KCNC1: variants seen among roughly 807,000 people sequenced by gnomAD.
KCNC1 encodes the protein voltage-gated potassium channel KCNC1.
KCNC1 carries 8 observed loss-of-function variants against 43.4 expected under a neutral mutation model. The ratio of observed to expected loss-of-function variants is 0.18; its 90% CI spans 0.11 to 0.33. The LOEUF (loss-of-function observed/expected upper bound fraction) is 0.33, where lower values mean the gene tolerates loss of function less well. Ranked by LOEUF, KCNC1 falls within the 10% of genes least tolerant of loss-of-function variation. The pLI is 1.00. For synonymous variants in KCNC1, 361 were observed against 360.5 expected, an observed-to-expected ratio of 1.00 and a Z score of -0.01; for missense variants, 420 against 836.0, an observed-to-expected ratio of 0.50 and a Z score of 6.14.
In KCNC1 at chr11:17,742,207, A is replaced by G. The variant is rs1308787387; in HGVS notation, c.570+5635A>G. The stretch of plus-strand genomic sequence containing the variant: ...CTGGCTCACAGGTGCTTTGTGTCAC[A>G]TCGCCTCAGAGCATTTGGAGTCTGT... On this transcript the variant is annotated intron_variant, in intron 1 of 3. Coordinates refer to ENST00000265969, the MANE Select transcript of KCNC1 (RefSeq NM_001112741.2). The surrounding 1 kb of genome is among the most constrained non-coding windows in gnomAD (Gnocchi z 4.2). Among the ~76,000 whole-genome samples, 4 of 152,308 alleles carry G rather than the reference A, an allele frequency of 2.6e-5. No individual in the cohort carries two copies. Among genetic ancestry groups the G allele is most frequent in the African/African-American group, 9.6e-5 (4 of 41,568 alleles).
chr11:17,739,730 CTG>C lies in KCNC1; in HGVS notation c.570+3163_570+3164del, dbSNP rs1428638692. Among the ~76,000 whole-genome samples the C allele has an allele frequency of 6.6e-6, 1 of 150,630 alleles. No homozygotes were observed. The highest frequency in any genetic ancestry group is 2.4e-5 in the African/African-American group (1 of 40,860). ...ATGCGTGTACACATAAGGCAGGAGGCTGTGTGGGGTGGGGGTCCCTGTGTGTG... is the reference window on the plus strand; with the variant it reads ...ATGCGTGTACACATAAGGCAGGAGGCTGTGGGGTGGGGGTCCCTGTGTGTG... On this transcript the variant is annotated intron_variant, in intron 1 of 3. Coordinates refer to ENST00000265969, the MANE Select transcript of KCNC1 (RefSeq NM_001112741.2). The surrounding 1 kb of genome is among the most constrained non-coding windows in gnomAD (Gnocchi z 4.2).
chr11:17,760,390 C>A lies in KCNC1; in HGVS notation c.571-11275C>A, dbSNP rs1371365762. Among the ~76,000 whole-genome samples, 4 of 152,188 alleles carry A rather than the reference C, an allele frequency of 2.6e-5. No individual in the cohort carries two copies. The South Asian group carries it at 8.3e-4, about 32-fold the overall frequency. On this transcript the variant is annotated intron_variant, in intron 1 of 3. Coordinates refer to ENST00000265969, the MANE Select transcript of KCNC1 (RefSeq NM_001112741.2). ...GTGGGATCCTGGTATTGCTCCAAGTCTAAGATGCTAATGGGAGAGGGTGAG... is the reference window on the plus strand; with the variant it reads ...GTGGGATCCTGGTATTGCTCCAAGTATAAGATGCTAATGGGAGAGGGTGAG...
chr11:17,741,290 G>A (rs903544917), intron 1 of KCNC1, among the ~76,000 whole-genome samples: 13 of 137,774 alleles, frequency 9.4e-5, no homozygotes, highest in Non-Finnish European at 1.4e-4. Flanking sequence ...CCCCTTCACC[G>A]CTAAATGGGA....
chr11:17,771,576 C>T lies in KCNC1; in HGVS notation c.571-89C>T. 1.7e-6 allele frequency: 2 copies of T among 1,153,456 alleles called. No homozygotes were observed. The highest frequency in any genetic ancestry group is 2.4e-5 in the East Asian group (1 of 42,282). The allele number at this position is 1,153,456 out of a possible 1,614,324, so 71.5% of individuals were successfully genotyped here. ...AGGGGGCCTGGTGCTGGCATCTCCC[C>T]CCGCCTGGCCCTGGGACTGGACAGA... On this transcript the variant is annotated intron_variant, in intron 1 of 3. Coordinates refer to ENST00000265969, the MANE Select transcript of KCNC1 (RefSeq NM_001112741.2). This position sits in a 1 kb window ranked among gnomAD's most constrained non-coding sequence, Gnocchi z 4.7.
At chr11:17,775,804 G>A in intron 2 of KCNC1, 1 of 985,694 alleles carries the variant, frequency 1.0e-6, no homozygotes, top group Non-Finnish European at 1.2e-6. Flanking sequence ...CTCCCTTCCT[G>A]CCCATGGCAC....
intron 1 of KCNC1, among the ~76,000 whole-genome samples, chr11:17,750,447 G>A (rs969445371): frequency 6.6e-6 from 1 of 152,166 alleles, no homozygotes; most frequent in Non-Finnish European, 1.5e-5. Flanking sequence ...TAGGCGGCAG[G>A]AATCGTGTCT....
At chr11:17,755,918 G>T (rs1230429936) in intron 1 of KCNC1, among the ~76,000 whole-genome samples, 1 of 151,538 alleles carries the variant, frequency 6.6e-6, no homozygotes, top group African/African-American at 2.4e-5. Context: ...GAGGAGCAAG[G>T]ACTGAGCTCC....
Position 17,742,959 on chromosome 11 carries a change from C to T in KCNC1, c.570+6387C>T, listed in dbSNP as rs140412504. Among the ~76,000 whole-genome samples, 6 of 152,330 alleles carry T rather than the reference C, an allele frequency of 3.9e-5. No homozygotes were observed. The highest frequency in any genetic ancestry group is 5.9e-5 in the Non-Finnish European group (4 of 68,028). On this transcript the variant is annotated intron_variant, in intron 1 of 3. Coordinates refer to ENST00000265969, the MANE Select transcript of KCNC1 (RefSeq NM_001112741.2). This position sits in a 1 kb window ranked among gnomAD's most constrained non-coding sequence, Gnocchi z 4.2. ...CACAGATACCTGCATTCCAAGGACA[C>T]GGCACAGCTGATTGAGACCTTCTCA...
chr11:17,772,943 CTG>C, intron 2 of KCNC1: 1 of 1,173,544 alleles, frequency 8.5e-7, no homozygotes, highest in South Asian at 2.9e-5. Context: ...GTGTGAGTCT[CTG>C]ACTCAGGCTA....
At chr11:17,745,031 A>T (rs1182317612) in intron 1 of KCNC1, among the ~76,000 whole-genome samples, 1 of 151,948 alleles carries the variant, frequency 6.6e-6, no homozygotes, top group Non-Finnish European at 1.5e-5. Context: ...CACCATGAGG[A>T]CATTTGTTAG....
At chr11:17,750,027 C>T (rs1368217006) in intron 1 of KCNC1, among the ~76,000 whole-genome samples, 3 of 152,218 alleles carry the variant, frequency 2.0e-5, no homozygotes. Flanking sequence ...GGAGGGTGCA[C>T]AGGCCTTTGG....
intron 2 of KCNC1, among the ~76,000 whole-genome samples, chr11:17,778,058 T>A (rs1849305082): frequency 6.6e-6 from 1 of 152,186 alleles, no homozygotes; most frequent in Non-Finnish European, 1.5e-5. Context: ...TTGGTTTCCC[T>A]CTTCCACAAA....
In KCNC1 at chr11:17,777,102, AC is replaced by A. The variant is rs1416144098; in HGVS notation, c.1505-2353del. 1.0e-6 allele frequency: 1 copy of A among 983,952 alleles called. No individual in the cohort carries two copies. The highest frequency in any genetic ancestry group is 1.8e-5 in the African/African-American group (1 of 56,756). 61.0% of individuals were successfully genotyped at this position (983,952 alleles called of 1,614,324 possible). A position where few individuals can be genotyped will look rare whatever the true frequency, so the allele number is the denominator to read the frequency against. On this transcript the variant is annotated intron_variant, in intron 2 of 3. Coordinates refer to ENST00000265969, the MANE Select transcript of KCNC1 (RefSeq NM_001112741.2). The surrounding 1 kb of genome is among the most constrained non-coding windows in gnomAD (Gnocchi z 4.3). ...TGTCCCCTGCCCAAAACCATCCCGAACTTTGGGCCCTTTAGTGATTGTGAGA... is the reference window on the plus strand; with the variant it reads ...TGTCCCCTGCCCAAAACCATCCCGAATTTGGGCCCTTTAGTGATTGTGAGA...
At chr11:17,750,895 C>A (rs988878225) in intron 1 of KCNC1, among the ~76,000 whole-genome samples, 1 of 152,224 alleles carries the variant, frequency 6.6e-6, no homozygotes, top group African/African-American at 2.4e-5. Context: ...TGACTTGAGG[C>A]CTTTGATCCA....
At position 17,736,710 on chromosome 11, in the gene KCNC1, A is replaced by G. The variant is rs554889404; in HGVS notation, c.570+138A>G. On this transcript the variant is annotated intron_variant, in intron 1 of 3. Transcript: ENST00000265969. The surrounding 1 kb of genome is among the most constrained non-coding windows in gnomAD (Gnocchi z 9.3). ...GGGGTGTGTGCGCATGTGTGCACGT[A>G]CCAGGGTAAGAGAGGAAGGGTGTCC... is the stretch of plus-strand genomic sequence containing the variant. 4 of 1,388,182 alleles carry G rather than the reference A, an allele frequency of 2.9e-6. No individual in the cohort carries two copies. The highest frequency in any genetic ancestry group is 3.1e-5 in the South Asian group (2 of 64,776). The allele number at this position is 1,388,182 out of a possible 1,614,324, so 86.0% of individuals were successfully genotyped here.
chr11:17,783,038 A>C lies in KCNC1; in HGVS notation c.*1304A>C, dbSNP rs1030509912. On this transcript the variant is annotated 3_prime_UTR_variant, in exon 4 of 4. Coordinates refer to ENST00000265969, the MANE Select transcript of KCNC1 (RefSeq NM_001112741.2). ...CTGGGCCCTGGCCCCCAATAATAAAAAACTGACTTTTGAGATGAAGCATGA... is the reference window on the plus strand; with the variant it reads ...CTGGGCCCTGGCCCCCAATAATAAACAACTGACTTTTGAGATGAAGCATGA... 6.6e-6 allele frequency: 1 copy of C among 152,244 alleles called. No homozygotes were observed. The highest frequency in any genetic ancestry group is 1.5e-5 in the Non-Finnish European group (1 of 68,058). 9.4% of individuals were successfully genotyped at this position (152,244 alleles called of 1,614,324 possible).
intron 1 of KCNC1, among the ~76,000 whole-genome samples, chr11:17,762,162 G>T (rs1685056378): frequency 6.6e-6 from 1 of 152,152 alleles, no homozygotes. Context: ...TTGGTCACCT[G>T]CTGCTGGGCC....
chr11:17,770,400 G>T (rs1411716321), intron 1 of KCNC1, among the ~76,000 whole-genome samples: 1 of 152,204 alleles, frequency 6.6e-6, no homozygotes, highest in East Asian at 1.9e-4. Flanking sequence ...GACTATCTGG[G>T]CCCCTGAGAG....
chr11:17,738,734 T>A (rs1372476881), intron 1 of KCNC1, among the ~76,000 whole-genome samples: 1 of 152,226 alleles, frequency 6.6e-6, no homozygotes, highest in Non-Finnish European at 1.5e-5. Context: ...CAGAAAAGTC[T>A]TGAAAAAAAT....
Sources: gnomAD v4.1 joint callset for allele counts (sites outside exome capture counted in the v4.1 genomes callset) on GRCh38, gnomAD v4.1.1 for gene constraint, Gnocchi (gnomAD v3.1) non-coding constraint, MANE v1.5 for transcripts, NCBI Gene and HGNC (gene_info 2026-07-23, HGNC 2026-07-21) for gene names.